Variants in PLXNA4 observed in about 807,000 individuals in gnomAD.
The protein encoded by PLXNA4 is plexin-A4.
Under a neutral mutation model 191.8 loss-of-function variants are expected in PLXNA4, and 44 were observed. The ratio of observed to expected loss-of-function variants is 0.23; its 90% CI spans 0.18 to 0.29. The LOEUF (loss-of-function observed/expected upper bound fraction) is 0.29, where lower values mean the gene tolerates loss of function less well. Among genes scored for constraint, PLXNA4 ranks in the 10% least tolerant of loss-of-function variants. PLXNA4 has a pLI of 1.00. For missense variants in PLXNA4, 1,800 were observed against 2,488.8 expected (o/e 0.72, Z 5.89); for synonymous variants, 1,082 against 1,009.5 (o/e 1.07, Z -1.36).
At chr7:132,304,985 C>T (rs1178083804) in intron 3 of PLXNA4, among the ~76,000 whole-genome samples, 7 of 152,216 alleles carry the variant, frequency 4.6e-5, no homozygotes, top group Non-Finnish European at 5.9e-5. Flanking sequence ...ATTTGATGCA[C>T]CCATGCCTTC....
At chr7:132,320,845 G>A (rs1404576103) in intron 3 of PLXNA4, among the ~76,000 whole-genome samples, 3 of 152,182 alleles carry the variant, frequency 2.0e-5, no homozygotes, top group African/African-American at 7.2e-5. Flanking sequence ...CAGGGCTGAA[G>A]CCAGCAATCT....
chr7:132,224,803 C>T (rs1405605734), intron 8 of PLXNA4, among the ~76,000 whole-genome samples: 2 of 152,082 alleles, frequency 1.3e-5, no homozygotes, highest in East Asian at 3.9e-4. Context: ...TTACTTGGGG[C>T]CCCAAAGAGA....
At chr7:132,612,575 A>AATCACTTG (rs1803072547) in intron 2 of PLXNA4, among the ~76,000 whole-genome samples, 1 of 151,240 alleles carries the variant, frequency 6.6e-6, no homozygotes, top group African/African-American at 2.4e-5. Context: ...GAGGCAGGAG[A>AATCACTTG]ATCACTTGAA....
At chr7:132,497,743 C>A (rs60676794) in intron 2 of PLXNA4, among the ~76,000 whole-genome samples, 6,148 of 152,174 alleles carry the variant, frequency 0.04, 160 homozygotes, top group African/African-American at 0.074. Context: ...TGAAAGCAAG[C>A]CAGAGAAGTC....
At chr7:132,463,087 T>G (rs1181123478) in intron 3 of PLXNA4, among the ~76,000 whole-genome samples, 41 of 152,130 alleles carry the variant, frequency 2.7e-4, no homozygotes, top group Admixed American at 2.7e-3. Context: ...TGACCTCAAG[T>G]GATCCACCCC....
At chr7:132,357,096 CAG>C (rs1298605251) in intron 3 of PLXNA4, among the ~76,000 whole-genome samples, 1 of 152,150 alleles carries the variant, frequency 6.6e-6, no homozygotes, top group East Asian at 1.9e-4. Context: ...GTCGACCAGC[CAG>C]AGTCTCTTCC....
chr7:132,552,208 A>G (rs1016462734), intron 1 of PLXNA4, among the ~76,000 whole-genome samples: 1 of 152,218 alleles, frequency 6.6e-6, no homozygotes, highest in Admixed American at 6.5e-5. Flanking sequence ...AAAGCCATTC[A>G]GAGATGGTGT....
At position 132,202,815 on chromosome 7, in the gene PLXNA4, G is replaced by T. The variant is rs1016415436; in HGVS notation, c.2417C>A (p.Ala806Asp). The change falls in exon 12 of 32, where the codon GCC becomes GAC. Residue 806 changes from alanine to aspartate, a missense_variant. Physicochemically the swap from Ala to Asp is moderately radical, Grantham distance 126 (BLOSUM62 -2). Transcript: ENST00000321063. ...GCACAGCCCGCAGCTCTCACGCATG[G>T]CTCCACACTTGTAGAGGTGAACTGC... ...QNKVHLYKCG[A>D]MRESCGLCLK... The T allele has an allele frequency of 6.3e-7, 1 of 1,596,992 alleles. No homozygotes were observed.
At chr7:132,161,375 C>T (rs542897849) in intron 24 of PLXNA4, among the ~76,000 whole-genome samples, 1 of 152,378 alleles carries the variant, frequency 6.6e-6, no homozygotes, top group South Asian at 2.1e-4. Flanking sequence ...GACAGAGCCC[C>T]TGGCCACTGG....
At chr7:132,601,124 A>G (rs943358952) in intron 2 of PLXNA4, among the ~76,000 whole-genome samples, 2 of 152,172 alleles carry the variant, frequency 1.3e-5, no homozygotes, top group Non-Finnish European at 2.9e-5. Context: ...TGTTTTGTCA[A>G]TCTTCATAGT....
intron 2 of PLXNA4, among the ~76,000 whole-genome samples, chr7:132,600,342 G>C (rs1460294191): frequency 6.6e-6 from 1 of 152,006 alleles, no homozygotes; most frequent in Non-Finnish European, 1.5e-5. Context: ...AATATTTTTG[G>C]TCTAATTATG....
rs77011517 is a variant in PLXNA4, at chr7:132,560,697, C to A, written c.-87+15725G>T. ...CAGCACTCCTGCCCCACCACTCCCCCGACAGCCTGCCTCAGTCCAGATTTC... is the reference window on the plus strand; with the variant it reads ...CAGCACTCCTGCCCCACCACTCCCCAGACAGCCTGCCTCAGTCCAGATTTC... On this transcript the variant is annotated intron_variant, in intron 1 of 31. Coordinates refer to ENST00000321063, the MANE Select transcript of PLXNA4 (RefSeq NM_020911.2). Among the ~76,000 whole-genome samples the A allele has an allele frequency of 2.1e-3, 317 of 152,226 alleles. 1 individual carries two copies. The highest frequency in any genetic ancestry group is 7.3e-3 in the African/African-American group (304 of 41,524).
At chr7:132,318,656 CT>C (rs1279602565) in intron 3 of PLXNA4, among the ~76,000 whole-genome samples, 1 of 138,336 alleles carries the variant, frequency 7.2e-6, no homozygotes, top group African/African-American at 2.8e-5. Context: ...TCATCACGCA[CT>C]TTGCTTTTTT....
At chr7:132,440,375 C>A (rs919066067) in intron 3 of PLXNA4, among the ~76,000 whole-genome samples, 33 of 152,226 alleles carry the variant, frequency 2.2e-4, no homozygotes, top group Admixed American at 2.0e-3. Flanking sequence ...TCCCCACACC[C>A]AGCCCCGTCT....
At chr7:132,534,168 TG>T (rs1392313409) in intron 1 of PLXNA4, among the ~76,000 whole-genome samples, 1 of 152,078 alleles carries the variant, frequency 6.6e-6, no homozygotes, top group Non-Finnish European at 1.5e-5. Flanking sequence ...GAATTCACAC[TG>T]AAACAGAAAG....
At position 132,446,859 on chromosome 7, in the gene PLXNA4, C is replaced by T. The variant is rs558918518; in HGVS notation, c.1371+42433G>A. The stretch of plus-strand genomic sequence containing the variant: ...GAGCTAGCTGGTCTTTGGCACCATT[C>T]CCCTTTGCAGCAGGCCTGCAGCAGA... On this transcript the variant is annotated intron_variant, in intron 3 of 31. Transcript: ENST00000321063. Among the ~76,000 whole-genome samples the T allele has an allele frequency of 4.6e-5, 7 of 152,262 alleles. No individual in the cohort carries two copies. In the South Asian group the frequency reaches 1.5e-3, roughly 32 times the overall value.
intron 3 of PLXNA4, chr7:132,484,742 C>T (rs1797477729): frequency 5.0e-6 from 8 of 1,585,960 alleles, no homozygotes; most frequent in Non-Finnish European, 6.9e-6. Flanking sequence ...CTGACACTTC[C>T]ATCCATCTGC....
chr7:132,531,962 C>G (rs1472403201), intron 1 of PLXNA4, among the ~76,000 whole-genome samples: 1 of 152,188 alleles, frequency 6.6e-6, no homozygotes, highest in African/African-American at 2.4e-5. Context: ...TGCGGTAACT[C>G]AAAATCCGAC....
At chr7:132,256,028 T>A (rs889747998) in intron 4 of PLXNA4, among the ~76,000 whole-genome samples, 3 of 152,126 alleles carry the variant, frequency 2.0e-5, no homozygotes, top group Non-Finnish European at 4.4e-5. Context: ...GGGTCTGGGA[T>A]AGGAAATCAT....
Sources: allele counts gnomAD v4.1 joint callset (sites outside exome capture counted in the v4.1 genomes callset), GRCh38; gene constraint gnomAD v4.1.1; transcripts MANE v1.5; gene names NCBI Gene and HGNC (gene_info 2026-07-23, HGNC 2026-07-21).